The following MAF variants were observed in gnomAD, a reference collection of about 807,000 sequenced individuals.
The protein encoded by MAF is transcription factor Maf.
A neutral mutation model predicts 22.0 loss-of-function variants in MAF; 10 were observed. The observed-to-expected ratio is 0.45, with a 90% CI of 0.28 to 0.77. The LOEUF (loss-of-function observed/expected upper bound fraction) is 0.77, where lower values mean the gene tolerates loss of function less well. Among genes scored for constraint, MAF ranks in the 30% least tolerant of loss-of-function variants. The probability of loss-of-function intolerance (pLI) is 0.12; values close to 1 mark genes in which losing one functional copy is unlikely to be tolerated. For missense variants in MAF, 544 were observed against 548.4 expected, an observed-to-expected ratio of 0.99 and a Z score of 0.08; for synonymous variants, 337 against 255.8, an observed-to-expected ratio of 1.32 and a Z score of -3.03.
chr16:79,254,479 T>C, the MAF span, among the ~76,000 whole-genome samples: 1 of 152,220 alleles, frequency 6.6e-6, no homozygotes. Flanking sequence ...CCAAGTAGCA[T>C]CTTTGTGAAT....
the MAF span, among the ~76,000 whole-genome samples, chr16:79,562,988 G>T: frequency 6.6e-6 from 1 of 152,180 alleles, no homozygotes; most frequent in Non-Finnish European, 1.5e-5. Flanking sequence ...CTACTGGTCA[G>T]CAGGTTCATT....
At chr16:79,234,788 T>A in the MAF span, among the ~76,000 whole-genome samples, 1 of 152,108 alleles carries the variant, frequency 6.6e-6, no homozygotes, top group Non-Finnish European at 1.5e-5. Flanking sequence ...CAGTCCTGCC[T>A]GAGGTGGGTA....
chr16:79,290,253 G>T, the MAF span, among the ~76,000 whole-genome samples: 1 of 152,168 alleles, frequency 6.6e-6, no homozygotes, highest in Non-Finnish European at 1.5e-5. Context: ...TTAGAACAGA[G>T]GGCAGAGGAT....
At chr16:79,548,331 CATTT>C in the MAF span, among the ~76,000 whole-genome samples, 2 of 151,924 alleles carry the variant, frequency 1.3e-5, no homozygotes, top group African/African-American at 2.4e-5. Flanking sequence ...TTTAGGTAGT[CATTT>C]ATTCTGTAAT....
Position 79,599,698 on chromosome 16 carries a change from G to T in MAF, c.205C>A (p.Pro69Thr), listed in dbSNP as rs1913881743. The T allele has an allele frequency of 6.2e-7, 1 of 1,612,706 alleles. No individual in the cohort carries two copies. Among genetic ancestry groups the T allele is most frequent in the Non-Finnish European group, 8.5e-7 (1 of 1,179,816 alleles). ...PMSTPCSSVP[P>T]SPSFSAPSPG... Reference sequence around the variant, plus strand: ...CTGGGCGCCGAGAAGCTGGGGGAAGGGGGCACCGAGCTGCACGGCGTGCTC... The same window carrying T: ...CTGGGCGCCGAGAAGCTGGGGGAAGTGGGCACCGAGCTGCACGGCGTGCTC... Residue 69 changes from proline (P) to threonine (T), a missense_variant, in exon 1 of 2, where the codon CCT becomes ACT. Transcript: ENST00000326043.
the MAF span, among the ~76,000 whole-genome samples, chr16:79,238,686 A>G: frequency 3.3e-5 from 5 of 152,136 alleles, no homozygotes; most frequent in African/African-American, 7.2e-5. Flanking sequence ...TTTTTAAAGT[A>G]TAAATATATC....
chr16:79,282,564 C>G, the MAF span, among the ~76,000 whole-genome samples: 2 of 152,184 alleles, frequency 1.3e-5, no homozygotes, highest in Non-Finnish European at 1.5e-5. Flanking sequence ...ACTGGCCCCA[C>G]AGTCACCGCT....
At chr16:79,343,247 CA>C in the MAF span, among the ~76,000 whole-genome samples, 34 of 144,484 alleles carry the variant, frequency 2.4e-4, no homozygotes, top group African/African-American at 4.8e-4. Flanking sequence ...AACCCCCCCC[CA>C]AAAAAATCTA....
chr16:79,594,622 C>T, intron 1 of MAF, 69 bp from the exon 2 acceptor site: 2 of 1,530,070 alleles, frequency 1.3e-6, no homozygotes, highest in South Asian at 2.5e-5. Context: ...AAGGGGAAAG[C>T]TAGATTTCCT....
At chr16:79,278,158 C>T in the MAF span, among the ~76,000 whole-genome samples, 3 of 152,190 alleles carry the variant, frequency 2.0e-5, no homozygotes, top group Non-Finnish European at 2.9e-5. Context: ...GTCCAGGTAC[C>T]TGCCCCCTGC....
At chr16:79,272,146 C>T in the MAF span, among the ~76,000 whole-genome samples, 1 of 152,186 alleles carries the variant, frequency 6.6e-6, no homozygotes, top group African/African-American at 2.4e-5. Flanking sequence ...CCCACCAGGG[C>T]GTCTCTGATG....
the MAF span, among the ~76,000 whole-genome samples, chr16:79,366,633 G>A: frequency 6.6e-6 from 1 of 152,304 alleles, no homozygotes; most frequent in Non-Finnish European, 1.5e-5. Flanking sequence ...GATTTCTGGT[G>A]GAAGTTTTGA....
At chr16:79,291,393 C>A in the MAF span, among the ~76,000 whole-genome samples, 1 of 152,136 alleles carries the variant, frequency 6.6e-6, no homozygotes, top group Non-Finnish European at 1.5e-5. Context: ...CATTGTACAG[C>A]CACTTTTCCT....
the MAF span, among the ~76,000 whole-genome samples, chr16:79,380,393 C>T: frequency 6.6e-6 from 1 of 152,276 alleles, no homozygotes; most frequent in African/African-American, 2.4e-5. Flanking sequence ...GTGCTGAATG[C>T]TTCTTAGGTC....
the MAF span, among the ~76,000 whole-genome samples, chr16:79,456,064 A>G: frequency 6.6e-6 from 1 of 152,190 alleles, no homozygotes; most frequent in African/African-American, 2.4e-5. Flanking sequence ...TAATGTGGAC[A>G]TTCCTTTGGT....
the MAF span, among the ~76,000 whole-genome samples, chr16:79,448,404 G>A: frequency 1.3e-5 from 2 of 149,098 alleles, no homozygotes; most frequent in Admixed American, 1.3e-4. Context: ...TAGCAATGAA[G>A]CATTTTTGTT....
At chr16:79,356,540 G>T in the MAF span, among the ~76,000 whole-genome samples, 2 of 152,118 alleles carry the variant, frequency 1.3e-5, no homozygotes, top group African/African-American at 4.8e-5. Flanking sequence ...GCAGCCTGGA[G>T]CTGTATTCCC....
chr16:79,579,981 T>G, the MAF span, among the ~76,000 whole-genome samples: 2 of 152,026 alleles, frequency 1.3e-5, no homozygotes, highest in Non-Finnish European at 2.9e-5. Context: ...CGATGGCATG[T>G]TTTTTTTATT....
At chr16:79,393,523 A>G in the MAF span, among the ~76,000 whole-genome samples, 2 of 152,198 alleles carry the variant, frequency 1.3e-5, no homozygotes, top group Non-Finnish European at 2.9e-5. Context: ...CTTTCATTCC[A>G]TGATACAACT....
Sources: gnomAD v4.1 joint callset for allele counts (sites outside exome capture counted in the v4.1 genomes callset) on GRCh38, gnomAD v4.1.1 for gene constraint, MANE v1.5 for transcripts, NCBI Gene and HGNC (gene_info 2026-07-23, HGNC 2026-07-21) for gene names.